KCNIP1: variants seen among roughly 807,000 people sequenced by gnomAD.
KCNIP1 encodes the protein potassium voltage-gated channel interacting protein 1.
KCNIP1 carries 18 observed loss-of-function variants against 33.0 expected under a neutral mutation model. The observed-to-expected ratio is 0.55, with a 90% CI of 0.38 to 0.81. The LOEUF (loss-of-function observed/expected upper bound fraction) is 0.81, where lower values mean the gene tolerates loss of function less well. KCNIP1 is among the 30% of genes least tolerant of loss of function. The pLI, the probability that KCNIP1 is intolerant of heterozygous loss-of-function variation, is 0.00. For synonymous variants in KCNIP1, 93 were observed against 98.3 expected (o/e 0.95, Z 0.32); for missense variants, 238 against 271.6 (o/e 0.88, Z 0.87).
chr5:170,484,488 C>T (rs566385971), intron 1 of KCNIP1, among the ~76,000 whole-genome samples: 7 of 152,274 alleles, frequency 4.6e-5, no homozygotes, highest in Non-Finnish European at 7.4e-5. Context: ...TGGTGGCTGC[C>T]GGGCCTCCCT....
chr5:170,503,161 G>A (rs145551230), upstream of KCNIP1, among the ~76,000 whole-genome samples: 294 of 152,194 alleles, frequency 1.9e-3, 1 homozygote, highest in African/African-American at 6.8e-3. Flanking sequence ...AGGCCAAGGC[G>A]GGTGGATCAC....
intron 1 of KCNIP1, among the ~76,000 whole-genome samples, chr5:170,505,007 G>A (rs1385478733): frequency 6.6e-6 from 1 of 152,196 alleles, no homozygotes; most frequent in East Asian, 1.9e-4. Flanking sequence ...AGCACTCAGT[G>A]AGGGTGCTGC....
upstream of KCNIP1, among the ~76,000 whole-genome samples, chr5:170,503,549 C>A (rs113647631): frequency 1.1e-3 from 161 of 152,190 alleles, no homozygotes; most frequent in African/African-American, 3.3e-3. Context: ...AGGACGGCAC[C>A]TTCTTCCCAT....
intron 1 of KCNIP1, among the ~76,000 whole-genome samples, chr5:170,563,395 A>G (rs1391651986): frequency 6.6e-6 from 1 of 152,166 alleles, no homozygotes; most frequent in African/African-American, 2.4e-5. Context: ...TGCCAGTTTT[A>G]TAACACTGAC....
Position 170,589,068 on chromosome 5 carries a change from G to A in KCNIP1, c.61+84435G>A, listed in dbSNP as rs56047208. Among the ~76,000 whole-genome samples the A allele has an allele frequency of 1.3e-4, 19 of 144,054 alleles. No individual in the cohort carries two copies. In the East Asian group the frequency reaches 2.5e-3, roughly 19 times the overall value. 94.5% of individuals were successfully genotyped at this position (144,054 alleles called of 152,430 possible). ...GGCTGGAGTGCAGTGGCGCGATCTCGGCTCACTGCAAGCTCCACCTCCTGG... is the reference window on the plus strand; with the variant it reads ...GGCTGGAGTGCAGTGGCGCGATCTCAGCTCACTGCAAGCTCCACCTCCTGG... On this transcript the variant is annotated intron_variant, in intron 1 of 7. Coordinates refer to ENST00000328939, the MANE Select transcript of KCNIP1 (RefSeq NM_014592.4).
At chr5:170,676,678 T>C (rs760397085) in intron 1 of KCNIP1, among the ~76,000 whole-genome samples, 20 of 152,128 alleles carry the variant, frequency 1.3e-4, no homozygotes, top group Admixed American at 2.0e-4. Flanking sequence ...GCAAGCCCTG[T>C]TGAGTCAAGG....
Position 170,624,723 on chromosome 5 carries a change from C to CGGGGG in KCNIP1, c.62-94035_62-94034insGGGGG, listed in dbSNP as rs1461838430. The stretch of plus-strand genomic sequence containing the variant: ...GGGGAGGGGAGGAGAGGAAAGGAGA[C>CGGGGG]CGGGGAGGTGGGGGGGGAGAGGGGA... On this transcript the variant is annotated intron_variant, in intron 1 of 7. Coordinates refer to ENST00000328939, the MANE Select transcript of KCNIP1 (RefSeq NM_014592.4). 5.5e-4 allele frequency among the ~76,000 whole-genome samples: 19 copies of CGGGGG among 34,630 alleles called. No individual in the cohort carries two copies. The East Asian group carries it at 6.9e-3, about 13-fold the overall frequency. The allele number at this position is 34,630 out of a possible 152,430, so 22.7% of individuals were successfully genotyped here.
intron 1 of KCNIP1, among the ~76,000 whole-genome samples, chr5:170,533,917 C>T (rs746820836): frequency 4.6e-5 from 7 of 152,152 alleles, no homozygotes; most frequent in Non-Finnish European, 7.3e-5. Flanking sequence ...AGTGGGAGGG[C>T]GGTTGACTGG....
At chr5:170,539,512 C>T (rs962361174) in intron 1 of KCNIP1, among the ~76,000 whole-genome samples, 2 of 152,204 alleles carry the variant, frequency 1.3e-5, no homozygotes, top group African/African-American at 4.8e-5. Context: ...GTGCCTGCTC[C>T]TCAGAAAGGC....
At chr5:170,437,482 C>T (rs1193952233) in intron 1 of KCNIP1, among the ~76,000 whole-genome samples, 2 of 152,194 alleles carry the variant, frequency 1.3e-5, no homozygotes, top group Admixed American at 6.5e-5. Flanking sequence ...TCTCTGCTCA[C>T]CCCCATTTGA....
chr5:170,670,919 A>AT (rs1292352869), intron 1 of KCNIP1, among the ~76,000 whole-genome samples: 3 of 151,810 alleles, frequency 2.0e-5, no homozygotes, highest in East Asian at 1.9e-4. Context: ...AAAAATAAAA[A>AT]AAAAAGAAGA....
chr5:170,627,969 C>T (rs1156542697), intron 1 of KCNIP1, among the ~76,000 whole-genome samples: 1 of 152,178 alleles, frequency 6.6e-6, no homozygotes, highest in African/African-American at 2.4e-5. Context: ...GCCTTCATCC[C>T]CCAGCGCCAG....
chr5:170,705,143 A>C (rs1763216665), intron 1 of KCNIP1, among the ~76,000 whole-genome samples: 3 of 152,224 alleles, frequency 2.0e-5, no homozygotes, highest in Admixed American at 2.0e-4. Flanking sequence ...TAGTCTAATC[A>C]AAGGCATTTG....
At chr5:170,443,789 G>A (rs1435435186) in intron 1 of KCNIP1, among the ~76,000 whole-genome samples, 1 of 152,194 alleles carries the variant, frequency 6.6e-6, no homozygotes, top group Non-Finnish European at 1.5e-5. Flanking sequence ...GCAGCTGCTT[G>A]CAGGAGCCAT....
intron 1 of KCNIP1, among the ~76,000 whole-genome samples, chr5:170,438,590 A>G (rs1205146826): frequency 2.0e-5 from 3 of 152,076 alleles, no homozygotes; most frequent in Non-Finnish European, 2.9e-5. Flanking sequence ...CTGGCTGCCA[A>G]GGCCCCAAGC....
At chr5:170,539,854 G>A (rs1172034020) in intron 1 of KCNIP1, among the ~76,000 whole-genome samples, 1 of 152,146 alleles carries the variant, frequency 6.6e-6, no homozygotes, top group Non-Finnish European at 1.5e-5. Flanking sequence ...CCCAAAAATT[G>A]CTAGAAGTTT....
In KCNIP1 at chr5:170,652,842, G is replaced by C. The variant is rs531134923; in HGVS notation, c.62-65916G>C. On this transcript the variant is annotated intron_variant, in intron 1 of 7. Coordinates refer to ENST00000328939, the MANE Select transcript of KCNIP1 (RefSeq NM_014592.4). ...TCCCTGTAGAAAGATAGGCACTGCTGTCCCATTTTACAGATGGGGAAACCC... is the reference window on the plus strand; with the variant it reads ...TCCCTGTAGAAAGATAGGCACTGCTCTCCCATTTTACAGATGGGGAAACCC... Among the ~76,000 whole-genome samples the C allele has an allele frequency of 1.2e-4, 19 of 152,332 alleles. No homozygotes were observed. The South Asian group carries it at 3.5e-3, about 28-fold the overall frequency.
At chr5:170,440,821 G>A (rs879663185) in intron 1 of KCNIP1, among the ~76,000 whole-genome samples, 11 of 152,178 alleles carry the variant, frequency 7.2e-5, no homozygotes, top group Admixed American at 6.5e-4. Context: ...AAACCTGTAA[G>A]CTGTAAGGCA....
chr5:170,678,003 T>C (rs1282694568), intron 1 of KCNIP1, among the ~76,000 whole-genome samples: 1 of 152,132 alleles, frequency 6.6e-6, no homozygotes, highest in Non-Finnish European at 1.5e-5. Flanking sequence ...TATATGGAAA[T>C]AGTAAAGAGC....
Sources: gnomAD v4.1 joint callset for allele counts (sites outside exome capture counted in the v4.1 genomes callset) on GRCh38, gnomAD v4.1.1 for gene constraint, MANE v1.5 for transcripts, NCBI Gene and HGNC (gene_info 2026-07-23, HGNC 2026-07-21) for gene names.